The following MUC5B variants were observed in gnomAD, a reference collection of about 807,000 sequenced individuals.
MUC5B encodes the protein mucin 5B, oligomeric mucus/gel-forming.
Under a neutral mutation model 376.9 loss-of-function variants are expected in MUC5B, and 116 were observed. The ratio of observed to expected loss-of-function variants is 0.31; its 90% CI spans 0.26 to 0.36. The LOEUF is 0.36. Ranked by LOEUF, MUC5B falls within the 10% of genes least tolerant of loss-of-function variation. MUC5B has a pLI of 1.00. For synonymous variants in MUC5B, 3,517 were observed against 3,390.9 expected (o/e 1.04, Z -1.29); for missense variants, 7,165 against 7,769.9 (o/e 0.92, Z 2.93).
At chr11:1,229,910 T>C in intron 10 of MUC5B, 95 bp from the exon 11 acceptor site, 1 of 1,545,880 alleles carries the variant, frequency 6.5e-7, no homozygotes, top group Non-Finnish European at 8.7e-7. Context: ...GAGCTCCTGG[T>C]GTGCACCCAC....
In MUC5B at chr11:1,228,578, C is replaced by T; in HGVS notation, c.789C>T (p.His263=). The change falls in exon 8 of 49, where the codon CAC becomes CAT. Residue 263 remains histidine, a synonymous_variant. Transcript: ENST00000529681. ...GNCTDEEGIC[H]RTLLGPAFAE... is the part of the protein sequence containing the mutation. ...GTGCTCCCCAGGAGGGCATCTGCCA[C>T]CGCACCCTGCTGGGGCCGGCCTTTG... is the stretch of plus-strand genomic sequence containing the variant. 6.6e-7 allele frequency: 1 copy of T among 1,526,284 alleles called. No individual in the cohort carries two copies. The highest frequency in any genetic ancestry group is 8.8e-7 in the Non-Finnish European group (1 of 1,140,636). The allele number at this position is 1,526,284 out of a possible 1,614,324, so 94.5% of individuals were successfully genotyped here.
In MUC5B at chr11:1,242,237, C is replaced by A; in HGVS notation, c.5357C>A (p.Pro1786Gln). The stretch of plus-strand genomic sequence containing the variant: ...AGCCAGGGCACGACCCGCTGTCAAC[C>A]GAAGTGTGAGTGGACAGAGTGGTTT... ...TTSQGTTRCQ[P>Q]KCEWTEWFDV... Residue 1786 changes from proline to glutamine, a missense_variant, in exon 31 of 49, where the codon CCG becomes CAG. Pro to Gln is a moderately conservative substitution (Grantham distance 76). Coordinates refer to ENST00000529681, the MANE Select transcript of MUC5B (RefSeq NM_002458.3). 1.9e-6 allele frequency: 3 copies of A among 1,613,814 alleles called. No homozygotes were observed. The highest frequency in any genetic ancestry group is 2.2e-5 in the East Asian group (1 of 44,876).
chr11:1,252,375 G>A lies in MUC5B; in HGVS notation c.14896G>A (p.Gly4966Ser), dbSNP rs56217440. The change falls in exon 32 of 49, where the codon GGC becomes AGC. Residue 4966 changes from glycine (G) to serine (S), a missense_variant. Gly to Ser is a moderately conservative substitution (Grantham distance 56). Around this residue, in one of 31 missense-constraint regions of MUC5B, gnomAD observed 730 missense variants for 592.7 expected, o/e 1.23. Transcript: ENST00000529681. Reference protein sequence around the residue: ...EVIYNKTDRAGCHFYAVCNQH... With the variant: ...EVIYNKTDRASCHFYAVCNQH... ...CATCTACAATAAGACCGACCGAGCC[G>A]GCTGCCATTTCTACGCAGTGTGCAA... The A allele has an allele frequency of 2.4e-3, 3,869 of 1,585,680 alleles. 6 individuals are homozygous for A. Among genetic ancestry groups the A allele is most frequent in the Non-Finnish European group, 3.0e-3 (3,451 of 1,166,252 alleles).
In MUC5B at chr11:1,247,422, TAGC is replaced by T. The variant is rs754093725; in HGVS notation, c.10548_10550del (p.Ser3516del). 80 of 1,608,020 alleles carry T rather than the reference TAGC, an allele frequency of 5.0e-5. 1 individual carries two copies. The Admixed American group carries it at 1.1e-3, about 23-fold the overall frequency. ...CTCCAGCCCTGTCCAGCCCTCACCC[TAGC>T]AGCAGGACCACCGAGTCACCCCCTT... On this transcript the variant is annotated inframe_deletion, in exon 31 of 49. Coordinates refer to ENST00000529681, the MANE Select transcript of MUC5B (RefSeq NM_002458.3).
At position 1,256,224 on chromosome 11, in the gene MUC5B, A is replaced by C. The variant is rs1862830920; in HGVS notation, c.16135A>C (p.Arg5379=). The change falls in exon 38 of 49, where the codon AGG becomes CGG. Residue 5379 remains arginine (R), a splice_region_variant and synonymous_variant. Transcript: ENST00000529681. Reference sequence around the variant, plus strand: ...CATACAGCCTGCCACCTGCAACTCTAGGTAAGTACAGGGATGGCTGGTGCC... The same window carrying C: ...CATACAGCCTGCCACCTGCAACTCTCGGTAAGTACAGGGATGGCTGGTGCC... ...GPIQPATCNS[R]NQSPQLEGMA... 1 of 725,256 alleles carries C rather than the reference A, an allele frequency of 1.4e-6. No individual in the cohort carries two copies. The highest frequency in any genetic ancestry group is 1.5e-5 in the South Asian group (1 of 68,040). The allele number at this position is 725,256 out of a possible 1,614,324, so 44.9% of individuals were successfully genotyped here. A position where few individuals can be genotyped will look rare whatever the true frequency, so the allele number is the denominator to read the frequency against.
chr11:1,230,839 G>C, intron 12 of MUC5B, 97 bp from the exon 13 acceptor site: 4 of 1,394,446 alleles, frequency 2.9e-6, no homozygotes, highest in Middle Eastern at 1.8e-4. Flanking sequence ...TGTGGGCTCT[G>C]TCCCCAGTGG....
rs1410946357 is a variant in MUC5B at position 1,242,256 on chromosome 11, G to A, written c.5376G>A (p.Glu1792=). 6.2e-7 allele frequency: 1 copy of A among 1,613,730 alleles called. No homozygotes were observed. Among genetic ancestry groups the A allele is most frequent in the African/African-American group, 1.3e-5 (1 of 74,926 alleles). The change falls in exon 31 of 49, where the codon GAG becomes GAA. Residue 1792 remains glutamate (E), a synonymous_variant. Coordinates refer to ENST00000529681, the MANE Select transcript of MUC5B (RefSeq NM_002458.3). The part of the protein sequence containing the change: ...TRCQPKCEWT[E]WFDVDFPTSG... Reference sequence around the variant, plus strand: ...GTCAACCGAAGTGTGAGTGGACAGAGTGGTTTGACGTGGACTTCCCAACCT... The same window carrying A: ...GTCAACCGAAGTGTGAGTGGACAGAATGGTTTGACGTGGACTTCCCAACCT...
Position 1,252,421 on chromosome 11 carries a change from G to T in MUC5B, c.14942G>T (p.Arg4981Leu), listed in dbSNP as rs777112784. The T allele has an allele frequency of 5.6e-6, 9 of 1,610,852 alleles. No individual in the cohort carries two copies. The African/African-American group carries it at 8.0e-5, about 14-fold the overall frequency. The change falls in exon 32 of 49, where the codon CGC becomes CTC. Residue 4981 changes from arginine (R) to leucine (L), a missense_variant. Arg to Leu is a moderately radical substitution (Grantham distance 102, BLOSUM62 -2). This residue lies in a region of MUC5B where 730 missense variants were observed against 592.7 expected (regional missense o/e 1.23). Transcript: ENST00000529681. ...TGCAATCAGCACTGTGACATTGACC[G>T]CTTCCAGGGCGCCTGTCCCACCTCC... ...AVCNQHCDID[R>L]FQGACPTSPP...
rs762031294 is a variant in MUC5B, at chr11:1,257,679, C to T, written c.16419C>T (p.Ala5473=). 39 of 1,573,202 alleles carry T rather than the reference C, an allele frequency of 2.5e-5. No individual in the cohort carries two copies. Among genetic ancestry groups the T allele is most frequent in the Middle Eastern group, 1.7e-4 (1 of 6,042 alleles). ...TCGTAACCGTGACCAGGCCCCGGGC[C>T]GAGAACCCCTGCTGCCCCGAGACGG... ...PGFVTVTRPR[A]ENPCCPETVC... is the part of the protein sequence containing the mutation. Residue 5473 remains alanine, a synonymous_variant, in exon 41 of 49, where the codon GCC becomes GCT. Coordinates refer to ENST00000529681, the MANE Select transcript of MUC5B (RefSeq NM_002458.3). The surrounding 1 kb of genome is among the most constrained non-coding windows in gnomAD (Gnocchi z 8.9).
rs147379418 is a variant in MUC5B, at chr11:1,252,257, C to A, written c.14864-86C>A. 2.4e-5 allele frequency: 33 copies of A among 1,349,450 alleles called. No homozygotes were observed. In the African/African-American group the frequency reaches 4.7e-4, roughly 19 times the overall value. The allele number at this position is 1,349,450 out of a possible 1,614,324, so 83.6% of individuals were successfully genotyped here. On this transcript the variant is annotated intron_variant, in intron 31 of 48. Transcript: ENST00000529681. Reference sequence around the variant, plus strand: ...TCCCTGGAACCGCTGCTCCCTCCTGCGCTGACCTCTGCCTTTGCTCTCCCA... The same window carrying A: ...TCCCTGGAACCGCTGCTCCCTCCTGAGCTGACCTCTGCCTTTGCTCTCCCA...
At position 1,245,312 on chromosome 11, in the gene MUC5B, G is replaced by A. The variant is rs1564942834; in HGVS notation, c.8432G>A (p.Ser2811Asn). The A allele has an allele frequency of 3.1e-6, 5 of 1,595,304 alleles. No individual in the cohort carries two copies. The highest frequency in any genetic ancestry group is 2.6e-6 in the Non-Finnish European group (3 of 1,172,088). Residue 2811 changes from serine (S) to asparagine (N), a missense_variant, in exon 31 of 49, where the codon AGC becomes AAC. Physicochemically the swap from Ser to Asn is conservative, Grantham distance 46. Coordinates refer to ENST00000529681, the MANE Select transcript of MUC5B (RefSeq NM_002458.3). ...CAGCACTCGACTCCAGCCCTGTCCA[G>A]CCCTCACCCTAGCAGCAGGACCACC... ...TTQHSTPALS[S>N]PHPSSRTTES...
chr11:1,257,994 G>T lies in MUC5B; in HGVS notation c.16451-105G>T. The T allele has an allele frequency of 8.4e-7, 1 of 1,186,244 alleles. No homozygotes were observed. The highest frequency in any genetic ancestry group is 1.5e-5 in the South Asian group (1 of 68,760). The allele number at this position is 1,186,244 out of a possible 1,614,324, so 73.5% of individuals were successfully genotyped here. ...GGAGGGAGCCCCCAGGGGCTGTGAAGCGGTCAGGTCCTCGGGGAAAAGCAC... is the reference window on the plus strand; with the variant it reads ...GGAGGGAGCCCCCAGGGGCTGTGAATCGGTCAGGTCCTCGGGGAAAAGCAC... On this transcript the variant is annotated intron_variant, in intron 41 of 48. Transcript: ENST00000529681. This position sits in a 1 kb window ranked among gnomAD's most constrained non-coding sequence, Gnocchi z 8.9.
rs1445352686 is a variant in MUC5B, at chr11:1,246,057, C to A, written c.9177C>A (p.Thr3059=). Residue 3059 remains threonine (T), a synonymous_variant, in exon 31 of 49, where the codon ACC becomes ACA. Coordinates refer to ENST00000529681, the MANE Select transcript of MUC5B (RefSeq NM_002458.3). ...TTLPVLTSTA[T]KSTATSFTPI... is the part of the protein sequence containing the mutation. Reference sequence around the variant, plus strand: ...TTCCAGTGCTGACAAGCACAGCCACCAAATCCACAGCTACCAGCTTTACAC... The same window carrying A: ...TTCCAGTGCTGACAAGCACAGCCACAAAATCCACAGCTACCAGCTTTACAC... The A allele has an allele frequency of 3.1e-6, 5 of 1,612,984 alleles. No individual in the cohort carries two copies. The highest frequency in any genetic ancestry group is 4.2e-6 in the Non-Finnish European group (5 of 1,179,512).
rs754618363 is a variant in MUC5B, at chr11:1,261,808, G to A, written c.*200G>A. The A allele has an allele frequency of 3.3e-5, 23 of 704,894 alleles. No individual in the cohort carries two copies. Among genetic ancestry groups the A allele is most frequent in the African/African-American group, 2.6e-4 (15 of 57,288 alleles). The allele number at this position is 704,894 out of a possible 1,614,324, so 43.7% of individuals were successfully genotyped here. A position where few individuals can be genotyped will look rare whatever the true frequency, so the allele number is the denominator to read the frequency against. On this transcript the variant is annotated 3_prime_UTR_variant, in exon 49 of 49. Coordinates refer to ENST00000529681, the MANE Select transcript of MUC5B (RefSeq NM_002458.3). Reference sequence around the variant, plus strand: ...CCAGCAGGACCCCTTTCGGGAGGGCGCCACTCAGGAGTCCTACCCTGGGAG... The same window carrying A: ...CCAGCAGGACCCCTTTCGGGAGGGCACCACTCAGGAGTCCTACCCTGGGAG...
rs761608899 is a variant in MUC5B at position 1,246,438 on chromosome 11, C to T, written c.9558C>T (p.Thr3186=). ...GATCCACGGCCACCGCCTCCTCCAC[C>T]CGGGCAACTGCTGGCACCCTCAAAG... The part of the protein sequence containing the change: ...PTGSTATASS[T]RATAGTLKVL... The change falls in exon 31 of 49, where the codon ACC becomes ACT. Residue 3186 remains threonine (T), a synonymous_variant. Transcript: ENST00000529681. The T allele has an allele frequency of 4.3e-6, 7 of 1,613,620 alleles. No individual in the cohort carries two copies. The highest frequency in any genetic ancestry group is 3.4e-6 in the Non-Finnish European group (4 of 1,179,788).
Position 1,254,818 on chromosome 11 carries a change from G to A in MUC5B, c.15602G>A (p.Gly5201Asp). 6.2e-7 allele frequency: 1 copy of A among 1,612,608 alleles called. No individual in the cohort carries two copies. The highest frequency in any genetic ancestry group is 1.7e-5 in the Admixed American group (1 of 60,006). ...PALGVSVTFN[G>D]QVFQARLPYS... is the part of the protein sequence containing the mutation. ...CTGGGCGTGAGCGTCACCTTCAATG[G>A]CCAAGTCTTCCAGGCCCGGCTGCCC... The change falls in exon 35 of 49, where the codon GGC (glycine) becomes GAC (aspartate). Residue 5201 changes from glycine (G) to aspartate (D), a missense_variant. This residue lies in a region of MUC5B where 842 missense variants were observed against 1,016.9 expected (regional missense o/e 0.83). Transcript: ENST00000529681.
Position 1,241,957 on chromosome 11 carries a change from C to G in MUC5B, c.5077C>G (p.Leu1693Val). ...TGTCCCAGGGGTGGCCACATCCACC[C>G]TTCCAACACGCTCAGCCCTTCCAGG... ...PTVPGVATST[L>V]PTRSALPGTT... Residue 1693 changes from leucine (L) to valine (V), a missense_variant, in exon 31 of 49, where the codon CTT (leucine) becomes GTT (valine). Leu to Val is a conservative substitution (Grantham distance 32). Around this residue, in one of 31 missense-constraint regions of MUC5B, gnomAD observed 897 missense variants for 779.6 expected, o/e 1.15. Coordinates refer to ENST00000529681, the MANE Select transcript of MUC5B (RefSeq NM_002458.3). The G allele has an allele frequency of 6.2e-7, 1 of 1,604,630 alleles. No homozygotes were observed. The highest frequency in any genetic ancestry group is 1.3e-5 in the African/African-American group (1 of 74,738).
intron 23 of MUC5B, 72 bp from the exon 24 acceptor site, chr11:1,236,314 G>A (rs1415563361): frequency 4.2e-5 from 62 of 1,471,238 alleles, no homozygotes; most frequent in Non-Finnish European, 5.6e-5. Flanking sequence ...ACTGGGTGGG[G>A]CATCCCTGGG....
intron 23 of MUC5B, 152 bp from the exon 24 acceptor site, chr11:1,236,234 G>C: frequency 1.5e-6 from 1 of 656,834 alleles, no homozygotes; most frequent in Non-Finnish European, 2.5e-6. Context: ...CCTTCGCTGA[G>C]GGTCTCACGG....
Sources: allele counts gnomAD v4.1 joint callset, GRCh38; gene constraint gnomAD v4.1.1; regional missense constraint gnomAD v4.1.1; non-coding constraint Gnocchi (gnomAD v3.1); transcripts MANE v1.5; gene names NCBI Gene and HGNC (gene_info 2026-07-23, HGNC 2026-07-21).